Variants in LINGO2 observed in about 807,000 individuals in gnomAD.
LINGO2 encodes the protein leucine rich repeat and Ig domain containing 2.
LINGO2 carries 14 observed loss-of-function variants against 30.6 expected under a neutral mutation model. That is an observed-to-expected ratio of 0.46 (90% CI 0.30 to 0.72). LINGO2 has a LOEUF of 0.72. Among genes scored for constraint, LINGO2 ranks in the 30% least tolerant of loss-of-function variants. The pLI, the probability that LINGO2 is intolerant of heterozygous loss-of-function variation, is 0.07. For synonymous variants in LINGO2, 317 were observed against 288.5 expected, an observed-to-expected ratio of 1.10 and a Z score of -1.00; for missense variants, 729 against 751.7, an observed-to-expected ratio of 0.97 and a Z score of 0.35.
rs970385583 is a variant in LINGO2 at position 28,293,025 on chromosome 9, G to A, written c.-87+2183C>T. 4.6e-5 allele frequency among the ~76,000 whole-genome samples: 7 copies of A among 152,086 alleles called. No homozygotes were observed. In the East Asian group the frequency reaches 7.7e-4, roughly 17 times the overall value. ...CTAACCTTGTGATCCGCCTGCCTTG[G>A]CCTCCCAAAGTGCTGGGATTACAGC... is the stretch of plus-strand genomic sequence containing the variant. On this transcript the variant is annotated intron_variant, in intron 4 of 5. Transcript: ENST00000379992.
chr9:28,117,766 G>A (rs1193290130), intron 4 of LINGO2, among the ~76,000 whole-genome samples: 6 of 148,478 alleles, frequency 4.0e-5, no homozygotes, highest in Non-Finnish European at 7.5e-5. Context: ...GCCCTGCTTC[G>A]GCTCGCGGAC....
chr9:29,054,493 T>C, the LINGO2 span, among the ~76,000 whole-genome samples: 1 of 152,202 alleles, frequency 6.6e-6, no homozygotes, highest in Non-Finnish European at 1.5e-5. Flanking sequence ...ATTGTTTTCC[T>C]ACTTTCATTT....
At chr9:28,350,095 C>T (rs1394556197) in intron 3 of LINGO2, among the ~76,000 whole-genome samples, 12 of 151,048 alleles carry the variant, frequency 7.9e-5, no homozygotes, top group East Asian at 2.0e-4. Flanking sequence ...CATCAACTAA[C>T]GAGCAAAATC....
At chr9:28,029,225 G>C (rs892651754) in intron 4 of LINGO2, among the ~76,000 whole-genome samples, 4 of 152,090 alleles carry the variant, frequency 2.6e-5, no homozygotes, top group Non-Finnish European at 2.9e-5. Flanking sequence ...TCAAACTTTA[G>C]TGCATATTAC....
chr9:28,744,639 T>TGTGTGTGTGTGTGTGTGTGTG, the LINGO2 span, among the ~76,000 whole-genome samples: 20 of 141,532 alleles, frequency 1.4e-4, no homozygotes, highest in Admixed American at 2.8e-4. Context: ...TGTGTGTGTG[T>TGTGTGTGTGTGTGTGTGTGTG]ATTTTTTTTT....
intron 3 of LINGO2, among the ~76,000 whole-genome samples, chr9:28,334,267 C>T (rs375160183): frequency 1.3e-5 from 2 of 152,010 alleles, no homozygotes; most frequent in East Asian, 1.9e-4. Flanking sequence ...CTATGAGTGA[C>T]GAAACTCTAT....
rs144046022 is a variant in LINGO2, at chr9:28,477,037, G to C, written c.-364-1012C>G. Among the ~76,000 whole-genome samples, 271 of 152,236 alleles carry C rather than the reference G, an allele frequency of 1.8e-3. 1 individual carries two copies. Among genetic ancestry groups the C allele is most frequent in the African/African-American group, 5.4e-3 (224 of 41,556 alleles). ...CCCTTCAGTGAACCACAGAAAGAGA[G>C]AAAGATAAGTTGGCAGAAAACAGTA... is the stretch of plus-strand genomic sequence containing the variant. On this transcript the variant is annotated intron_variant, in intron 1 of 5. Transcript: ENST00000379992.
intron 2 of LINGO2, among the ~76,000 whole-genome samples, chr9:28,433,947 C>A (rs201766696): frequency 0.015 from 926 of 60,764 alleles, 19 homozygotes; most frequent in Middle Eastern, 0.065. Context: ...CTCTCTCTCT[C>A]TCTATATATA....
At chr9:28,201,399 G>A (rs1820228710) in intron 4 of LINGO2, among the ~76,000 whole-genome samples, 1 of 142,164 alleles carries the variant, frequency 7.0e-6, no homozygotes, top group Non-Finnish European at 1.5e-5. Flanking sequence ...CCCTACAAAG[G>A]ACATGAACTC....
the LINGO2 span, among the ~76,000 whole-genome samples, chr9:28,938,373 T>A: frequency 1.3e-5 from 2 of 152,226 alleles, no homozygotes; most frequent in African/African-American, 4.8e-5. Flanking sequence ...AAGTTCAATT[T>A]CCTTTTTGCT....
intron 1 of LINGO2, among the ~76,000 whole-genome samples, chr9:28,622,587 C>T (rs962426925): frequency 1.3e-5 from 2 of 151,958 alleles, no homozygotes; most frequent in Non-Finnish European, 2.9e-5. Flanking sequence ...TTTCTTTATC[C>T]ATTCATCTGT....
At chr9:28,323,404 A>C (rs1825116439) in intron 3 of LINGO2, among the ~76,000 whole-genome samples, 1 of 152,210 alleles carries the variant, frequency 6.6e-6, no homozygotes, top group African/African-American at 2.4e-5. Context: ...GTTCTAGACC[A>C]GCCTGGCCAA....
At chr9:28,585,745 T>G (rs1824501910) in intron 1 of LINGO2, among the ~76,000 whole-genome samples, 1 of 152,086 alleles carries the variant, frequency 6.6e-6, no homozygotes, top group Non-Finnish European at 1.5e-5. Context: ...AGCATTGATA[T>G]TAAGAATACT....
chr9:28,148,746 A>C lies in LINGO2; in HGVS notation c.-86-136341T>G. 1 of 1,533,616 alleles carries C rather than the reference A, an allele frequency of 6.5e-7. No homozygotes were observed. Among genetic ancestry groups the C allele is most frequent in the Non-Finnish European group, 8.7e-7 (1 of 1,146,148 alleles). On this transcript the variant is annotated intron_variant, in intron 4 of 5. Transcript: ENST00000379992. The surrounding 1 kb of genome is among the most constrained non-coding windows in gnomAD (Gnocchi z 5.1). ...GCTGGAGGCATCCTTCCCTTTGGGA[A>C]GCCTGACCCACTTCCAACAGTGCTC...
intron 2 of LINGO2, among the ~76,000 whole-genome samples, chr9:28,430,096 ACG>A (rs751030016): frequency 1.5e-5 from 1 of 66,920 alleles, no homozygotes; most frequent in African/African-American, 5.4e-5. Context: ...GCTGATTTCC[ACG>A]CGCGCGCGCG....
the LINGO2 span, among the ~76,000 whole-genome samples, chr9:28,981,831 T>C: frequency 1.3e-5 from 2 of 152,204 alleles, no homozygotes; most frequent in South Asian, 4.1e-4. Context: ...GCTCCATTTC[T>C]ACAAGGAGTT....
intron 1 of LINGO2, among the ~76,000 whole-genome samples, chr9:28,483,603 A>T (rs1164874856): frequency 6.6e-6 from 1 of 152,026 alleles, no homozygotes; most frequent in Non-Finnish European, 1.5e-5. Context: ...AGTCACATTC[A>T]GGCCTTAAAA....
At chr9:28,234,322 T>C (rs887235299) in intron 4 of LINGO2, among the ~76,000 whole-genome samples, 15 of 152,048 alleles carry the variant, frequency 9.9e-5, no homozygotes, top group Non-Finnish European at 2.2e-4. Context: ...CTGGTGGTGA[T>C]GGTAGCCACA....
chr9:28,620,466 T>A (rs913940857), intron 1 of LINGO2, among the ~76,000 whole-genome samples: 7 of 152,100 alleles, frequency 4.6e-5, no homozygotes, highest in Admixed American at 2.6e-4. Context: ...ATCTAATACA[T>A]AAGACACAGG....
Sources: allele counts gnomAD v4.1 joint callset (sites outside exome capture counted in the v4.1 genomes callset), GRCh38; gene constraint gnomAD v4.1.1; non-coding constraint Gnocchi (gnomAD v3.1); transcripts MANE v1.5; gene names NCBI Gene and HGNC (gene_info 2026-07-23, HGNC 2026-07-21).